The following IQCH variants were observed in gnomAD, a reference collection of about 807,000 sequenced individuals.
IQCH encodes the protein IQ domain-containing protein H.
Under a neutral mutation model 117.0 loss-of-function variants are expected in IQCH, and 98 were observed. That is an observed-to-expected ratio of 0.84 (90% confidence interval 0.71 to 0.99). The LOEUF (loss-of-function observed/expected upper bound fraction) is 0.99. Ranked by LOEUF, IQCH falls within the 50% of genes least tolerant of loss-of-function variation. The pLI, the probability that IQCH is intolerant of heterozygous loss-of-function variation, is 0.00. For synonymous variants in IQCH, 412 were observed against 448.2 expected, an observed-to-expected ratio of 0.92 and a Z score of 1.02; for missense variants, 1,102 against 1,243.8, an observed-to-expected ratio of 0.89 and a Z score of 1.72.
At chr15:67,281,452 C>T (rs1393305452) in intron 4 of IQCH, 3 of 303,134 alleles carry the variant, frequency 9.9e-6, no homozygotes, top group South Asian at 8.7e-5. Flanking sequence ...ATGGCCAAAA[C>T]CAGGTTATGT....
At position 67,342,110 on chromosome 15, in the gene IQCH, T is replaced by TA. The variant is rs111370208; in HGVS notation, c.509-1941dup. ...ATATAGCAAGACCTAGTCTCTACAT[T>TA]AAAAAAAAAAAAGCCAGACATGATG... On this transcript the variant is annotated intron_variant, in intron 5 of 20. Transcript: ENST00000335894. This position sits in a 1 kb window ranked among gnomAD's most constrained non-coding sequence, Gnocchi z 4.7. Among the ~76,000 whole-genome samples the TA allele has an allele frequency of 1.0e-3, 149 of 141,980 alleles. No homozygotes were observed. The highest frequency in any genetic ancestry group is 1.8e-3 in the African/African-American group (68 of 38,634). 93.1% of individuals were successfully genotyped at this position (141,980 alleles called of 152,430 possible).
chr15:67,473,832 C>G lies in IQCH; in HGVS notation c.2677-1864C>G, dbSNP rs1358200031. On this transcript the variant is annotated intron_variant, in intron 17 of 20. Transcript: ENST00000335894. The surrounding 1 kb of genome is among the most constrained non-coding windows in gnomAD (Gnocchi z 4.9). The stretch of plus-strand genomic sequence containing the variant: ...CAATTTTCTGTTGTTAGAAAAATCC[C>G]AATGGCTACAAATGGGACGCTACAA... Among the ~76,000 whole-genome samples, 1 of 152,100 alleles carries G rather than the reference C, an allele frequency of 6.6e-6. No homozygotes were observed. The highest frequency in any genetic ancestry group is 2.4e-5 in the African/African-American group (1 of 41,392).
At chr15:67,330,195 T>G (rs1382358320) in intron 4 of IQCH, among the ~76,000 whole-genome samples, 1 of 152,172 alleles carries the variant, frequency 6.6e-6, no homozygotes, top group Non-Finnish European at 1.5e-5. Context: ...AGATGTAATT[T>G]CTGGATGTCA....
chr15:67,327,602 C>T (rs761449580), intron 4 of IQCH, among the ~76,000 whole-genome samples: 12 of 152,254 alleles, frequency 7.9e-5, no homozygotes, highest in South Asian at 2.1e-4. Context: ...ATAAATGATA[C>T]GTTCTAGAGA....
chr15:67,312,975 C>T (rs1967673311), intron 4 of IQCH, among the ~76,000 whole-genome samples: 1 of 152,080 alleles, frequency 6.6e-6, no homozygotes, highest in Non-Finnish European at 1.5e-5. Context: ...TACCCATAGA[C>T]TAGAGTGATT....
intron 4 of IQCH, among the ~76,000 whole-genome samples, chr15:67,291,587 A>G (rs1336820915): frequency 3.3e-5 from 5 of 152,234 alleles, no homozygotes; most frequent in Non-Finnish European, 5.9e-5. Flanking sequence ...GGTGATTTTC[A>G]AAATTTCACC....
intron 7 of IQCH, 101 bp downstream of exon 7, chr15:67,357,522 T>C (rs879880302): frequency 1.8e-4 from 137 of 778,086 alleles, no homozygotes; most frequent in Non-Finnish European, 1.7e-4. Context: ...ACCTTCAACA[T>C]AGAAATAAGT....
intron 16 of IQCH, among the ~76,000 whole-genome samples, chr15:67,434,327 C>G (rs554366952): frequency 1.3e-5 from 2 of 152,240 alleles, no homozygotes; most frequent in Admixed American, 6.5e-5. Context: ...TGAGATCATG[C>G]AGTATTTGTC....
intron 20 of IQCH, among the ~76,000 whole-genome samples, chr15:67,499,557 A>G (rs1202215062): frequency 1.3e-5 from 2 of 152,128 alleles, no homozygotes; most frequent in Non-Finnish European, 2.9e-5. Flanking sequence ...TATAAAAAAA[A>G]TTAAGTATAA....
At chr15:67,305,385 T>C (rs1028549976) in intron 4 of IQCH, among the ~76,000 whole-genome samples, 16 of 152,266 alleles carry the variant, frequency 1.1e-4, no homozygotes, top group Admixed American at 4.6e-4. Flanking sequence ...ATATGTGCTT[T>C]ATGTTATTCT....
rs1273830189 is a variant in IQCH at position 67,369,226 on chromosome 15, GCAAA to G, written c.754-2880_754-2877del. Among the ~76,000 whole-genome samples the G allele has an allele frequency of 1.3e-5, 2 of 152,146 alleles. No homozygotes were observed. Among genetic ancestry groups the G allele is most frequent in the Non-Finnish European group, 2.9e-5 (2 of 68,028 alleles). On this transcript the variant is annotated intron_variant, in intron 8 of 20. Coordinates refer to ENST00000335894, the MANE Select transcript of IQCH (RefSeq NM_001031715.3). This position sits in a 1 kb window ranked among gnomAD's most constrained non-coding sequence, Gnocchi z 5.2. Reference sequence around the variant, plus strand: ...GTTATCTAATTAGCGATTACACTTTGCAAACAAAGAACATTTCCCAGCTAATTAG... The same window carrying G: ...GTTATCTAATTAGCGATTACACTTTGCAAAGAACATTTCCCAGCTAATTAG...
rs111541540 is a variant in IQCH, at chr15:67,429,412, G to A, written c.2505+7835G>A. Among the ~76,000 whole-genome samples the A allele has an allele frequency of 3.0e-3, 460 of 152,254 alleles. 2 individuals carry two copies. Among genetic ancestry groups the A allele is most frequent in the African/African-American group, 0.011 (452 of 41,556 alleles). ...GTGCACCTATAGTCCCAGCTACTCAGGAGACTGAGGTAGGAGGATAATTTG... is the reference window on the plus strand; with the variant it reads ...GTGCACCTATAGTCCCAGCTACTCAAGAGACTGAGGTAGGAGGATAATTTG... On this transcript the variant is annotated intron_variant, in intron 16 of 20. Transcript: ENST00000335894.
intron 5 of IQCH, among the ~76,000 whole-genome samples, chr15:67,338,329 A>G (rs941848183): frequency 5.3e-5 from 8 of 152,270 alleles, no homozygotes; most frequent in East Asian, 3.9e-4. Flanking sequence ...AACTTCATCC[A>G]GAAAAAAAAT....
In IQCH at chr15:67,490,003, G is replaced by C; in HGVS notation, c.2800G>C (p.Glu934Gln). The C allele has an allele frequency of 6.2e-7, 1 of 1,604,382 alleles. No individual in the cohort carries two copies. The highest frequency in any genetic ancestry group is 1.7e-4 in the Middle Eastern group (1 of 6,038). Reference protein sequence around the residue: ...RAHGIGYDVEERQGTVFILYE... With the variant: ...RAHGIGYDVEQRQGTVFILYE... ...TTTTCTCCCCATTCAAATTTTACAG[G>C]AAAGGCAAGGAACTGTTTTTATATT... is the stretch of plus-strand genomic sequence containing the variant. Residue 934 changes from glutamate (E) to glutamine (Q), a missense_variant and splice_region_variant, in exon 19 of 21, where the codon GAA becomes CAA. This residue lies in a region of IQCH where 650 missense variants were observed against 794.3 expected (regional missense o/e 0.82). Coordinates refer to ENST00000335894, the MANE Select transcript of IQCH (RefSeq NM_001031715.3). The surrounding 1 kb of genome is among the most constrained non-coding windows in gnomAD (Gnocchi z 4.9).
chr15:67,461,675 AT>A (rs1364999335), intron 16 of IQCH, among the ~76,000 whole-genome samples: 1 of 152,254 alleles, frequency 6.6e-6, no homozygotes, highest in Non-Finnish European at 1.5e-5. Context: ...AAGCAAAAGC[AT>A]TTCAGCTCTA....
intron 5 of IQCH, among the ~76,000 whole-genome samples, chr15:67,340,413 A>T (rs1461836121): frequency 7.5e-6 from 1 of 133,408 alleles, no homozygotes; most frequent in African/African-American, 2.9e-5. Context: ...GGCAACAGAG[A>T]GATACTCCAT....
chr15:67,302,805 C>T (rs1217185661), intron 4 of IQCH, among the ~76,000 whole-genome samples: 5 of 152,088 alleles, frequency 3.3e-5, no homozygotes, highest in Non-Finnish European at 7.4e-5. Flanking sequence ...TTCAGTGAAC[C>T]GAGATTGTGT....
chr15:67,302,588 G>C lies in IQCH; in HGVS notation c.387+23076G>C, dbSNP rs113676857. On this transcript the variant is annotated intron_variant, in intron 4 of 20. Coordinates refer to ENST00000335894, the MANE Select transcript of IQCH (RefSeq NM_001031715.3). Reference sequence around the variant, plus strand: ...TAAGAAATGCTATTGGTCGACTACAGTGGCTCATGCCTGTAATCCCAGCAC... The same window carrying C: ...TAAGAAATGCTATTGGTCGACTACACTGGCTCATGCCTGTAATCCCAGCAC... 4.6e-3 allele frequency among the ~76,000 whole-genome samples: 699 copies of C among 152,332 alleles called. 7 individuals carry two copies. The highest frequency in any genetic ancestry group is 0.016 in the African/African-American group (678 of 41,578).
rs1971346213 is a variant in IQCH at position 67,393,252 on chromosome 15, T to C, written c.1633-2039T>C. ...CTAAATCACCTAGCAAATTACAAAT[T>C]CAGGACTGAAATGCAGGTGTTCTCC... On this transcript the variant is annotated intron_variant, in intron 12 of 20. Coordinates refer to ENST00000335894, the MANE Select transcript of IQCH (RefSeq NM_001031715.3). This position sits in a 1 kb window ranked among gnomAD's most constrained non-coding sequence, Gnocchi z 5.5. 6.6e-6 allele frequency among the ~76,000 whole-genome samples: 1 copy of C among 152,204 alleles called. No individual in the cohort carries two copies.
Sources: gnomAD v4.1 joint callset for allele counts (sites outside exome capture counted in the v4.1 genomes callset) on GRCh38, gnomAD v4.1.1 for gene constraint, gnomAD v4.1.1 regional missense constraint, Gnocchi (gnomAD v3.1) non-coding constraint, MANE v1.5 for transcripts, NCBI Gene and HGNC (gene_info 2026-07-23, HGNC 2026-07-21) for gene names.